Variants in NRG3 observed in about 807,000 individuals in gnomAD.
NRG3 encodes pro-neuregulin-3, membrane-bound isoform.
Under a neutral mutation model 66.9 loss-of-function variants are expected in NRG3, and 31 were observed. The observed-to-expected ratio is 0.46, with a 90% CI of 0.35 to 0.63. The LOEUF (loss-of-function observed/expected upper bound fraction) is 0.63, where lower values mean the gene tolerates loss of function less well. NRG3 is among the 20% of genes least tolerant of loss of function. The pLI, the probability that NRG3 is intolerant of heterozygous loss-of-function variation, is 0.00. For missense variants in NRG3, 910 were observed against 878.9 expected (o/e 1.04, Z -0.45); for synonymous variants, 393 against 359.4 (o/e 1.09, Z -1.06).
At chr10:82,493,480 A>G (rs970606469) in intron 2 of NRG3, among the ~76,000 whole-genome samples, 1 of 152,160 alleles carries the variant, frequency 6.6e-6, no homozygotes, top group Non-Finnish European at 1.5e-5. Flanking sequence ...TTATGGCTGC[A>G]TAGTATTCCA....
chr10:82,104,573 T>C (rs1210994657), intron 1 of NRG3, among the ~76,000 whole-genome samples: 1 of 152,196 alleles, frequency 6.6e-6, no homozygotes, highest in Non-Finnish European at 1.5e-5. Flanking sequence ...TGAAATGTTA[T>C]AGGAATGTGC....
At chr10:82,181,031 T>C (rs2073382656) in intron 1 of NRG3, among the ~76,000 whole-genome samples, 1 of 151,798 alleles carries the variant, frequency 6.6e-6, no homozygotes, top group Non-Finnish European at 1.5e-5. Flanking sequence ...TTTCTTTTAG[T>C]TTATCCCATT....
At chr10:82,576,168 TG>T (rs1424348048) in intron 2 of NRG3, among the ~76,000 whole-genome samples, 3 of 151,722 alleles carry the variant, frequency 2.0e-5, no homozygotes, top group South Asian at 2.1e-4. Flanking sequence ...TGTTTTGTTT[TG>T]TTTTTTTAAT....
At chr10:82,462,756 T>G (rs2131981006) in intron 2 of NRG3, among the ~76,000 whole-genome samples, 1 of 152,282 alleles carries the variant, frequency 6.6e-6, no homozygotes, top group South Asian at 2.1e-4. Flanking sequence ...GCTGTAAGAA[T>G]AGTTTTGGGG....
chr10:82,790,826 TGTTTTTTTCCTTC>T (rs2060557710), intron 3 of NRG3, among the ~76,000 whole-genome samples: 1 of 151,998 alleles, frequency 6.6e-6, no homozygotes, highest in African/African-American at 2.4e-5. Context: ...ATAAATTCAC[TGTTTTTTTCCTTC>T]TGCCTGCTTA....
intron 1 of NRG3, among the ~76,000 whole-genome samples, chr10:82,118,495 A>T (rs968625438): frequency 3.3e-5 from 5 of 152,100 alleles, no homozygotes; most frequent in African/African-American, 4.8e-5. Flanking sequence ...TGTGAGAAAT[A>T]CAGCCACAGG....
intron 2 of NRG3, among the ~76,000 whole-genome samples, chr10:82,443,981 C>A (rs1444153886): frequency 2.0e-5 from 3 of 152,170 alleles, no homozygotes; most frequent in Non-Finnish European, 4.4e-5. Context: ...ATAATTTGCA[C>A]TTTTCTATAT....
At chr10:82,538,703 A>G (rs1047599300) in intron 2 of NRG3, among the ~76,000 whole-genome samples, 15 of 141,200 alleles carry the variant, frequency 1.1e-4, no homozygotes, top group African/African-American at 4.3e-4. Flanking sequence ...TTTTCACCAG[A>G]AAAAAAAAAT....
At chr10:82,514,095 T>A (rs1845440832) in intron 2 of NRG3, among the ~76,000 whole-genome samples, 1 of 152,192 alleles carries the variant, frequency 6.6e-6, no homozygotes, top group Admixed American at 6.5e-5. Context: ...TAGACCTTTG[T>A]TAAATGGACA....
At chr10:82,551,303 T>C (rs1230934468) in intron 2 of NRG3, among the ~76,000 whole-genome samples, 1 of 152,188 alleles carries the variant, frequency 6.6e-6, no homozygotes, top group African/African-American at 2.4e-5. Context: ...GTACTATTTT[T>C]AACATTTGTT....
intron 2 of NRG3, among the ~76,000 whole-genome samples, chr10:82,418,368 G>A (rs1180698796): frequency 6.6e-6 from 1 of 152,204 alleles, no homozygotes; most frequent in African/African-American, 2.4e-5. Context: ...TTCCAAAGAT[G>A]TAATAAAAAA....
At chr10:81,891,195 A>G (rs566294322) in intron 1 of NRG3, among the ~76,000 whole-genome samples, 3 of 152,110 alleles carry the variant, frequency 2.0e-5, no homozygotes, top group African/African-American at 7.2e-5. Flanking sequence ...GAGCTCTTTG[A>G]ACATTTGAGA....
At chr10:82,636,427 C>A (rs537629415) in intron 2 of NRG3, among the ~76,000 whole-genome samples, 13 of 152,190 alleles carry the variant, frequency 8.5e-5, no homozygotes, top group South Asian at 4.2e-4. Context: ...ACAAGACAAG[C>A]CAAGCCTGGA....
At chr10:82,638,670 C>T (rs1044449635) in intron 2 of NRG3, among the ~76,000 whole-genome samples, 3 of 151,188 alleles carry the variant, frequency 2.0e-5, no homozygotes, top group South Asian at 2.1e-4. Context: ...TCTTTTGAGA[C>T]GGAGTCTTGC....
intron 4 of NRG3, among the ~76,000 whole-genome samples, chr10:82,948,481 C>T (rs1231536496): frequency 1.3e-5 from 2 of 152,014 alleles, no homozygotes; most frequent in Non-Finnish European, 2.9e-5. Flanking sequence ...AAAAATGCTT[C>T]CTGAGATTTT....
chr10:82,232,568 G>T, intron 1 of NRG3: 3 of 558,460 alleles, frequency 5.4e-6, no homozygotes, highest in Non-Finnish European at 9.9e-6. Context: ...ACTTCTGACC[G>T]TTTTTCTGGT....
chr10:82,582,567 G>T (rs965138732), intron 2 of NRG3, among the ~76,000 whole-genome samples: 7 of 152,050 alleles, frequency 4.6e-5, no homozygotes, highest in Non-Finnish European at 8.8e-5. Flanking sequence ...AATTTCATCA[G>T]AGATAGTGCT....
At chr10:82,801,926 A>G (rs145830166) in intron 3 of NRG3, among the ~76,000 whole-genome samples, 6 of 152,304 alleles carry the variant, frequency 3.9e-5, no homozygotes, top group Middle Eastern at 3.4e-3. Context: ...GTTCCTTTAA[A>G]TTACCAAAGT....
chr10:82,788,013 G>A (rs1412700508), intron 3 of NRG3, among the ~76,000 whole-genome samples: 5 of 152,184 alleles, frequency 3.3e-5, no homozygotes. Context: ...ATTCCTTTAT[G>A]AGTTTTAAGA....
Sources: allele counts gnomAD v4.1 joint callset (sites outside exome capture counted in the v4.1 genomes callset), GRCh38; gene constraint gnomAD v4.1.1; transcripts MANE v1.5; gene names NCBI Gene and HGNC (gene_info 2026-07-23, HGNC 2026-07-21).